Variants in CCDC152 observed in about 807,000 individuals in gnomAD.
CCDC152 encodes the protein coiled-coil domain-containing protein 152.
Under a neutral mutation model 38.1 loss-of-function variants are expected in CCDC152, and 37 were observed. That is an observed-to-expected ratio of 0.97 (90% CI 0.75 to 1.28). The LOEUF (loss-of-function observed/expected upper bound fraction) is 1.28. Among genes scored for constraint, CCDC152 ranks in the 50% most tolerant of loss-of-function variants. The pLI, the probability that CCDC152 is intolerant of heterozygous loss-of-function variation, is 0.00. For synonymous variants in CCDC152, 83 were observed against 87.1 expected (o/e 0.95, Z 0.26); for missense variants, 259 against 292.1 (o/e 0.89, Z 0.83).
At chr5:42,792,801 A>G (rs1760021685) in intron 6 of CCDC152, among the ~76,000 whole-genome samples, 1 of 152,208 alleles carries the variant, frequency 6.6e-6, no homozygotes, top group African/African-American at 2.4e-5. Flanking sequence ...AGTTGCAACC[A>G]TAGAAGCATG....
intron 3 of CCDC152, among the ~76,000 whole-genome samples, chr5:42,768,894 C>G (rs779154776): frequency 2.0e-5 from 3 of 152,124 alleles, no homozygotes; most frequent in African/African-American, 7.2e-5. Context: ...CCATACTATT[C>G]TGTGCTTTAG....
At chr5:42,797,686 C>A (rs967115716) in intron 7 of CCDC152, among the ~76,000 whole-genome samples, 1 of 152,100 alleles carries the variant, frequency 6.6e-6, no homozygotes, top group Non-Finnish European at 1.5e-5. Context: ...CAGTAACCAA[C>A]TAGAAATTTA....
At position 42,788,330 on chromosome 5, in the gene CCDC152, CA is replaced by C. The variant is rs113846987; in HGVS notation, c.430+4764del. ...TCATTAGACTATTTAAGGTCAATGCCAAAAAAAAAACAAAAAACCCTCAAAG... is the reference window on the plus strand; with the variant it reads ...TCATTAGACTATTTAAGGTCAATGCCAAAAAAAAACAAAAAACCCTCAAAG... On this transcript the variant is annotated intron_variant, in intron 6 of 8. Transcript: ENST00000361970. Among the ~76,000 whole-genome samples the C allele has an allele frequency of 1.9e-3, 255 of 134,892 alleles. 2 individuals are homozygous for C. Among genetic ancestry groups the C allele is most frequent in the African/African-American group, 6.1e-3 (223 of 36,592 alleles). 88.5% of individuals were successfully genotyped at this position (134,892 alleles called of 152,430 possible).
intron 4 of CCDC152, among the ~76,000 whole-genome samples, chr5:42,769,892 A>G (rs988881219): frequency 2.6e-5 from 4 of 152,246 alleles, no homozygotes; most frequent in South Asian, 2.1e-4. Context: ...GATGTTTTAC[A>G]TAGGTCATAT....
chr5:42,781,223 C>T (rs1031556060), intron 5 of CCDC152, among the ~76,000 whole-genome samples: 7 of 152,180 alleles, frequency 4.6e-5, no homozygotes, highest in African/African-American at 1.7e-4. Context: ...TTTATAAAAG[C>T]TGCTCTGTAG....
At chr5:42,789,331 A>G (rs1477141934) in intron 6 of CCDC152, among the ~76,000 whole-genome samples, 1 of 152,144 alleles carries the variant, frequency 6.6e-6, no homozygotes, top group Non-Finnish European at 1.5e-5. Flanking sequence ...TCCTTTCAGA[A>G]CATGTCCATT....
intron 5 of CCDC152, among the ~76,000 whole-genome samples, chr5:42,782,301 T>C (rs1257105040): frequency 6.6e-6 from 1 of 152,236 alleles, no homozygotes; most frequent in East Asian, 1.9e-4. Context: ...ATGTATAGTT[T>C]TGGCTTATAT....
Position 42,801,014 on chromosome 5 carries a change from T to C in CCDC152, c.*1233T>C, listed in dbSNP as rs774956785. ...AATCTGTGGGCAATTTACAGAGTAA[T>C]TGATTTATACATCTCTTTCGACAGA... On this transcript the variant is annotated 3_prime_UTR_variant, in exon 9 of 9. Transcript: ENST00000361970. 6 of 1,614,204 alleles carry C rather than the reference T, an allele frequency of 3.7e-6. No individual in the cohort carries two copies. The highest frequency in any genetic ancestry group is 3.3e-4 in the Middle Eastern group (2 of 6,062).
Position 42,759,183 on chromosome 5 carries a change from T to A in CCDC152, c.62T>A (p.Ile21Lys), listed in dbSNP as rs1184485691. The change falls in exon 2 of 9, where the codon ATA becomes AAA. Residue 21 changes from isoleucine (I) to lysine (K), a missense_variant. Physicochemically the swap from Ile to Lys is moderately radical, Grantham distance 102 (BLOSUM62 -3). Coordinates refer to ENST00000361970, the MANE Select transcript of CCDC152 (RefSeq NM_001134848.2). ...AGCAGTGTGAATCTTGACAAACTTA[T>A]AAATGACTTCTCACAGATAGAAAAG... ...KISSVNLDKL[I>K]NDFSQIEKKM... 1.9e-6 allele frequency: 3 copies of A among 1,549,654 alleles called. No homozygotes were observed. Among genetic ancestry groups the A allele is most frequent in the Non-Finnish European group, 2.6e-6 (3 of 1,145,290 alleles).
In CCDC152 at chr5:42,799,447, A is replaced by G. The variant is rs1473838386; in HGVS notation, c.631A>G (p.Ile211Val). The G allele has an allele frequency of 1.3e-6, 2 of 1,537,204 alleles. No individual in the cohort carries two copies. Among genetic ancestry groups the G allele is most frequent in the Non-Finnish European group, 1.8e-6 (2 of 1,136,452 alleles). ...YQDSTVLPQS[I>V]YRRKLQHFQE... Reference sequence around the variant, plus strand: ...GGATTCTACTGTTTTGCCACAAAGTATCTACAGAAGGGTATGTGAGTTTTC... The same window carrying G: ...GGATTCTACTGTTTTGCCACAAAGTGTCTACAGAAGGGTATGTGAGTTTTC... The change falls in exon 8 of 9, where the codon ATC becomes GTC. Residue 211 changes from isoleucine (I) to valine (V), a missense_variant. Physicochemically the swap from Ile to Val is conservative, Grantham distance 29. Transcript: ENST00000361970.
At chr5:42,785,427 T>G (rs1226077415) in intron 6 of CCDC152, among the ~76,000 whole-genome samples, 1 of 152,152 alleles carries the variant, frequency 6.6e-6, no homozygotes, top group Non-Finnish European at 1.5e-5. Flanking sequence ...AGAATGTCAC[T>G]GATTTTGATG....
At chr5:42,795,673 G>A (rs1760064364) in intron 6 of CCDC152, among the ~76,000 whole-genome samples, 1 of 152,114 alleles carries the variant, frequency 6.6e-6, no homozygotes, top group Admixed American at 6.5e-5. Flanking sequence ...TACAGAGTAG[G>A]ATCTACAAAT....
intron 2 of CCDC152, among the ~76,000 whole-genome samples, chr5:42,761,421 C>T (rs1759551357): frequency 6.6e-6 from 1 of 152,142 alleles, no homozygotes; most frequent in South Asian, 2.1e-4. Context: ...TTGAGACCAG[C>T]CTGGGCAACA....
At position 42,779,512 on chromosome 5, in the gene CCDC152, C is replaced by G; in HGVS notation, c.317C>G (p.Ser106Cys). 6.6e-7 allele frequency: 1 copy of G among 1,506,876 alleles called. No homozygotes were observed. Among genetic ancestry groups the G allele is most frequent in the Non-Finnish European group, 9.0e-7 (1 of 1,106,930 alleles). 93.3% of individuals were successfully genotyped at this position (1,506,876 alleles called of 1,614,324 possible). ...GATCTTATAAAAGAGAAGTTAAAGTCTCATGAACAGGTGAGTTTATGTATC... is the reference window on the plus strand; with the variant it reads ...GATCTTATAAAAGAGAAGTTAAAGTGTCATGAACAGGTGAGTTTATGTATC... The part of the protein sequence containing the change: ...SADLIKEKLK[S>C]HEQEYKNNIA... The change falls in exon 5 of 9, where the codon TCT becomes TGT. Residue 106 changes from serine (S) to cysteine (C), a missense_variant. Physicochemically the swap from Ser to Cys is moderately radical, Grantham distance 112 (BLOSUM62 -1). Transcript: ENST00000361970.
chr5:42,770,963 T>A (rs190753218), intron 4 of CCDC152, among the ~76,000 whole-genome samples: 96 of 152,310 alleles, frequency 6.3e-4, no homozygotes, highest in Non-Finnish European at 1.0e-3. Flanking sequence ...TCGATTTTTA[T>A]ATGTTGATTT....
intron 2 of CCDC152, among the ~76,000 whole-genome samples, chr5:42,761,191 A>C (rs1414096455): frequency 6.6e-6 from 1 of 152,260 alleles, no homozygotes; most frequent in South Asian, 2.1e-4. Flanking sequence ...AAAATACCCA[A>C]GAGATATGGT....
intron 6 of CCDC152, among the ~76,000 whole-genome samples, chr5:42,786,978 T>G (rs4432897): frequency 1 from 151,808 of 152,018 alleles, 75,800 homozygotes; most frequent in Non-Finnish European, 1. Context: ...TTTTGGTATG[T>G]ATTTCTGATT....
chr5:42,772,484 T>TAA lies in CCDC152; in HGVS notation c.262+2827_262+2828dup, dbSNP rs558729520. Among the ~76,000 whole-genome samples, 408 of 150,490 alleles carry TAA rather than the reference T, an allele frequency of 2.7e-3. 1 individual carries two copies. Among genetic ancestry groups the TAA allele is most frequent in the Non-Finnish European group, 5.1e-3 (341 of 67,422 alleles). On this transcript the variant is annotated intron_variant, in intron 4 of 8. Coordinates refer to ENST00000361970, the MANE Select transcript of CCDC152 (RefSeq NM_001134848.2). ...CAACATGGTGAAACCCCGCCTCTACTAAAAAAAAATACAAAAATTTGCTGG... is the reference window on the plus strand; with the variant it reads ...CAACATGGTGAAACCCCGCCTCTACTAAAAAAAAAAATACAAAAATTTGCTGG...
In CCDC152 at chr5:42,779,334, T is replaced by G. The variant is rs143708282; in HGVS notation, c.263-124T>G. ...TCAGTGTCTAGCATGGTGCCTGAAG[T>G]GTAGCAGCTGCTGGATGCATGTTTG... On this transcript the variant is annotated intron_variant, in intron 4 of 8. Transcript: ENST00000361970. The G allele has an allele frequency of 5.8e-4, 375 of 651,290 alleles. 2 individuals are homozygous for G. Among genetic ancestry groups the G allele is most frequent in the Middle Eastern group, 4.6e-3 (11 of 2,412 alleles). The allele number at this position is 651,290 out of a possible 1,614,324, so 40.3% of individuals were successfully genotyped here. A position where few individuals can be genotyped will look rare whatever the true frequency, so the allele number is the denominator to read the frequency against.
Sources: allele counts gnomAD v4.1 joint callset (sites outside exome capture counted in the v4.1 genomes callset), GRCh38; gene constraint gnomAD v4.1.1; transcripts MANE v1.5; gene names NCBI Gene and HGNC (gene_info 2026-07-23, HGNC 2026-07-21).